The following TRAF7 variants were observed in gnomAD, a reference collection of about 807,000 sequenced individuals.
TRAF7 encodes the protein E3 ubiquitin-protein ligase TRAF7.
A neutral mutation model predicts 89.3 loss-of-function variants in TRAF7; 45 were observed. That is an observed-to-expected ratio of 0.50 (90% CI 0.40 to 0.65). The LOEUF (loss-of-function observed/expected upper bound fraction) is 0.65. TRAF7 is among the 30% of genes least tolerant of loss of function. The pLI is 0.00. For missense variants in TRAF7, 677 were observed against 918.1 expected, an observed-to-expected ratio of 0.74 and a Z score of 3.39; for synonymous variants, 406 against 369.2, an observed-to-expected ratio of 1.10 and a Z score of -1.14.
chr16:2,166,190 C>T (rs1404025961), intron 3 of TRAF7, among the ~76,000 whole-genome samples: 2 of 152,210 alleles, frequency 1.3e-5, no homozygotes, highest in African/African-American at 2.4e-5. Context: ...CTCTTCATCC[C>T]CTCTAGGGAG....
At position 2,168,358 on chromosome 16, in the gene TRAF7, G is replaced by C; in HGVS notation, c.231+190G>C. ...GAAAGGAGGCTCCTGTGGCTGGACTGTGGGTGGCAGGGGGCAGCCAGTGAG... is the reference window on the plus strand; with the variant it reads ...GAAAGGAGGCTCCTGTGGCTGGACTCTGGGTGGCAGGGGGCAGCCAGTGAG... On this transcript the variant is annotated intron_variant, in intron 4 of 20. Transcript: ENST00000326181. The surrounding 1 kb of genome is among the most constrained non-coding windows in gnomAD (Gnocchi z 4.1). 1.8e-6 allele frequency: 1 copy of C among 560,612 alleles called. No homozygotes were observed. Among genetic ancestry groups the C allele is most frequent in the South Asian group, 2.1e-5 (1 of 47,074 alleles). 34.7% of individuals were successfully genotyped at this position (560,612 alleles called of 1,614,324 possible).
At chr16:2,170,112 T>A (rs1408994189) in intron 4 of TRAF7, among the ~76,000 whole-genome samples, 1 of 152,080 alleles carries the variant, frequency 6.6e-6, no homozygotes, top group Non-Finnish European at 1.5e-5. Context: ...CTGCCTTCCC[T>A]CTGAGCCTCC....
rs1306002497 is a variant in TRAF7, at chr16:2,175,159, G to A, written c.1386+9G>A. On this transcript the variant is annotated intron_variant, in intron 15 of 20. Coordinates refer to ENST00000326181, the MANE Select transcript of TRAF7 (RefSeq NM_032271.3). ...CAGACTGCACCATCATTGTGAGTGGGGCCTACAGGCGGGTGGGCAGGAGGC... is the reference window on the plus strand; with the variant it reads ...CAGACTGCACCATCATTGTGAGTGGAGCCTACAGGCGGGTGGGCAGGAGGC... 2.5e-6 allele frequency: 4 copies of A among 1,613,690 alleles called. No individual in the cohort carries two copies. Among genetic ancestry groups the A allele is most frequent in the Non-Finnish European group, 3.4e-6 (4 of 1,179,944 alleles).
intron 11 of TRAF7, 53 bp from the exon 12 acceptor site, chr16:2,173,734 TG>T: frequency 2.5e-6 from 4 of 1,603,652 alleles, no homozygotes; most frequent in Non-Finnish European, 3.4e-6. Flanking sequence ...GAGGCTGCAC[TG>T]GCCCCACAGC....
At chr16:2,169,966 C>T (rs1240095332) in intron 4 of TRAF7, among the ~76,000 whole-genome samples, 2 of 152,150 alleles carry the variant, frequency 1.3e-5, no homozygotes, top group African/African-American at 4.8e-5. Context: ...TGGAGGTTTC[C>T]AGGCCAGAGG....
At chr16:2,164,084 C>T in intron 2 of TRAF7, 83 bp downstream of exon 2, 2 of 1,320,446 alleles carry the variant, frequency 1.5e-6, no homozygotes, top group Non-Finnish European at 2.1e-6. Context: ...GCAGAGCTCC[C>T]AGCGCAGTCC....
intron 2 of TRAF7, among the ~76,000 whole-genome samples, chr16:2,165,486 T>G (rs949334191): frequency 8.0e-6 from 1 of 124,954 alleles, no homozygotes; most frequent in Admixed American, 7.6e-5. Flanking sequence ...GTGTGAGTGC[T>G]GTGTGGCGCA....
chr16:2,160,754 G>T (rs777117285), intron 1 of TRAF7, among the ~76,000 whole-genome samples: 2 of 152,134 alleles, frequency 1.3e-5, no homozygotes, highest in Non-Finnish European at 2.9e-5. Context: ...AGAGGCCAGA[G>T]AATTGAAGGG....
intron 1 of TRAF7, among the ~76,000 whole-genome samples, chr16:2,160,357 A>G (rs1179159722): frequency 6.6e-6 from 1 of 151,824 alleles, no homozygotes; most frequent in Non-Finnish European, 1.5e-5. Context: ...CGCTTCCTCA[A>G]TGACTTTTCT....
At chr16:2,160,305 G>T (rs1015371415) in intron 1 of TRAF7, among the ~76,000 whole-genome samples, 10 of 151,968 alleles carry the variant, frequency 6.6e-5, no homozygotes, top group African/African-American at 1.9e-4. Context: ...CACGCACCTC[G>T]CCCCTGAAGG....
chr16:2,170,808 G>A (rs992608176), intron 5 of TRAF7, 78 bp downstream of exon 5: 3 of 1,333,666 alleles, frequency 2.2e-6, no homozygotes, highest in South Asian at 1.3e-5. Flanking sequence ...CTTCCCCTCC[G>A]CCATGCCCGC....
chr16:2,164,526 G>C (rs1194110873), intron 2 of TRAF7, among the ~76,000 whole-genome samples: 1 of 138,906 alleles, frequency 7.2e-6, no homozygotes, highest in Admixed American at 7.1e-5. Flanking sequence ...TGGTCGCATG[G>C]TTAAGCGTGT....
At chr16:2,164,169 C>CGT (rs1236886501) in intron 2 of TRAF7, among the ~76,000 whole-genome samples, 168 bp downstream of exon 2, 41 of 109,738 alleles carry the variant, frequency 3.7e-4, no homozygotes, top group African/African-American at 1.3e-3. Flanking sequence ...TGCGCGCGCG[C>CGT]GCGCGCGCGC....
At chr16:2,171,707 G>A (rs942548590) in intron 7 of TRAF7, 102 bp downstream of exon 7, 10 of 1,569,698 alleles carry the variant, frequency 6.4e-6, no homozygotes, top group South Asian at 5.7e-5. Flanking sequence ...GTCCGGCCCT[G>A]TTTGGCCTCT....
rs750579521 is a variant in TRAF7, at chr16:2,171,590, T to C, written c.460T>C (p.Cys154Arg). 2 of 1,613,282 alleles carry C rather than the reference T, an allele frequency of 1.2e-6. No homozygotes were observed. The highest frequency in any genetic ancestry group is 8.5e-7 in the Non-Finnish European group (1 of 1,179,904). Residue 154 changes from cysteine to arginine, a missense_variant, in exon 7 of 21, where the codon TGC becomes CGC. Physicochemically the swap from Cys to Arg is radical, Grantham distance 180. Coordinates refer to ENST00000326181, the MANE Select transcript of TRAF7 (RefSeq NM_032271.3). The stretch of plus-strand genomic sequence containing the variant: ...TCCACAGCACACGTTCTGTAGGAGA[T>C]GCGCCTTGAAGTCAGGTAGGTTTGT... Reference protein sequence around the residue: ...TTCGHTFCRRCALKSEKCPVD... With the variant: ...TTCGHTFCRRRALKSEKCPVD...
intron 12 of TRAF7, 23 bp downstream of exon 12, chr16:2,173,859 T>TGGCCCCCCCCCCCCCCCCCCCCC: frequency 8.0e-7 from 1 of 1,246,256 alleles, no homozygotes; most frequent in Non-Finnish European, 1.1e-6. Flanking sequence ...CCGCCGTGGC[T>TGGCCCCCCCCCCCCCCCCCCCCC]CCCGCCCACC....
In TRAF7 at chr16:2,158,765, CGGCG is replaced by C. The variant is rs1057057495; in HGVS notation, c.-39+2910_-39+2913del. ...AGCGTGGGACTGGGAAGCGTGGGCT[CGGCG>C]GGGGGGGGGGGGACACTGCCACCCT... On this transcript the variant is annotated intron_variant, in intron 1 of 20. Transcript: ENST00000326181. The surrounding 1 kb of genome is among the most constrained non-coding windows in gnomAD (Gnocchi z 4.7). Among the ~76,000 whole-genome samples the C allele has an allele frequency of 9.2e-5, 3 of 32,600 alleles. No individual in the cohort carries two copies. The highest frequency in any genetic ancestry group is 1.3e-3 in the East Asian group (1 of 754). The allele number at this position is 32,600 out of a possible 152,430, so 21.4% of individuals were successfully genotyped here.
Position 2,159,193 on chromosome 16 carries a change from C to G in TRAF7, c.-39+3335C>G, listed in dbSNP as rs1257965274. On this transcript the variant is annotated intron_variant, in intron 1 of 20. Transcript: ENST00000326181. This position sits in a 1 kb window ranked among gnomAD's most constrained non-coding sequence, Gnocchi z 6.5. The stretch of plus-strand genomic sequence containing the variant: ...GAGGCTTGGCCAGGGCAAGACAGGC[C>G]TGGAGGCTGAGTGGATGCAGTAGGA... Among the ~76,000 whole-genome samples the G allele has an allele frequency of 6.6e-6, 1 of 152,120 alleles. No homozygotes were observed.
Position 2,163,903 on chromosome 16 carries a change from T to C in TRAF7, c.-18T>C. On this transcript the variant is annotated 5_prime_UTR_variant, in exon 2 of 21. It removes the in-frame stop codon of an upstream open reading frame in the 5' UTR. Transcript: ENST00000326181. This position sits in a 1 kb window ranked among gnomAD's most constrained non-coding sequence, Gnocchi z 4.3. Reference sequence around the variant, plus strand: ...CACAGGAGGTGCTTCCCAAGGACCGTAGATGCCTCTCTAGAGCATGAGCTC... The same window carrying C: ...CACAGGAGGTGCTTCCCAAGGACCGCAGATGCCTCTCTAGAGCATGAGCTC... 1.2e-6 allele frequency: 2 copies of C among 1,610,294 alleles called. No individual in the cohort carries two copies. Among genetic ancestry groups the C allele is most frequent in the Non-Finnish European group, 1.7e-6 (2 of 1,178,540 alleles).
Sources: gnomAD v4.1 joint callset for allele counts (sites outside exome capture counted in the v4.1 genomes callset) on GRCh38, gnomAD v4.1.1 for gene constraint, Gnocchi (gnomAD v3.1) non-coding constraint, MANE v1.5 for transcripts, NCBI Gene and HGNC (gene_info 2026-07-23, HGNC 2026-07-21) for gene names.